The following HSD17B14 variants were observed in gnomAD, a reference collection of about 807,000 sequenced individuals.
The protein encoded by HSD17B14 is L-fucose dehydrogenase.
In HSD17B14, 32 loss-of-function variants were observed where a neutral mutation model predicts 32.2. The observed-to-expected ratio is 0.99, with a 90% CI of 0.75 to 1.33. The LOEUF (loss-of-function observed/expected upper bound fraction) is 1.33. Among genes scored for constraint, HSD17B14 ranks in the 40% most tolerant of loss-of-function variants. The probability of loss-of-function intolerance (pLI) is 0.00; values close to 1 mark genes in which losing one functional copy is unlikely to be tolerated. For missense variants in HSD17B14, 370 were observed against 366.5 expected (o/e 1.01, Z -0.08); for synonymous variants, 140 against 155.4 (o/e 0.90, Z 0.74).
At chr19:48,824,406 A>T (rs2035208832) in intron 5 of HSD17B14, among the ~76,000 whole-genome samples, 1 of 149,428 alleles carries the variant, frequency 6.7e-6, no homozygotes, top group Non-Finnish European at 1.5e-5. Context: ...ACTGCTCACC[A>T]GCTGGGAAGA....
chr19:48,817,113 C>T (rs532207006), intron 5 of HSD17B14, among the ~76,000 whole-genome samples: 248 of 149,268 alleles, frequency 1.7e-3, no homozygotes, highest in Middle Eastern at 3.5e-3. Flanking sequence ...TCCCAAAGTG[C>T]TGGGATTCCA....
intron 5 of HSD17B14, among the ~76,000 whole-genome samples, chr19:48,821,797 C>T (rs1039135503): frequency 3.5e-5 from 5 of 142,600 alleles, no homozygotes; most frequent in African/African-American, 1.3e-4. Context: ...TGCTGATGAT[C>T]GTAGTGATGA....
rs189256704 is a variant in HSD17B14, at chr19:48,818,606, C to G, written c.370-3465G>C. ...GGATCTTGCCACCCTCACCCCAGCACGAGGCACACAGCTGGAGCTCAGTAA... is the reference window on the plus strand; with the variant it reads ...GGATCTTGCCACCCTCACCCCAGCAGGAGGCACACAGCTGGAGCTCAGTAA... On this transcript the variant is annotated intron_variant, in intron 5 of 8. Transcript: ENST00000263278. Among the ~76,000 whole-genome samples, 404 of 152,224 alleles carry G rather than the reference C, an allele frequency of 2.7e-3. 1 individual carries two copies. Among genetic ancestry groups the G allele is most frequent in the African/African-American group, 9.2e-3 (381 of 41,538 alleles).
At chr19:48,819,480 C>G (rs1307873682) in intron 5 of HSD17B14, among the ~76,000 whole-genome samples, 1 of 152,188 alleles carries the variant, frequency 6.6e-6, no homozygotes. Flanking sequence ...TCAGCATGCC[C>G]TTCAAGGCCC....
chr19:48,832,823 G>T, intron 3 of HSD17B14, 91 bp from the exon 4 acceptor site: 1 of 1,073,944 alleles, frequency 9.3e-7, no homozygotes, highest in Non-Finnish European at 1.4e-6. Flanking sequence ...GCACGATCTT[G>T]GCTCACTGCA....
At chr19:48,816,648 C>CTATA (rs1047717704) in intron 5 of HSD17B14, among the ~76,000 whole-genome samples, 10 of 152,132 alleles carry the variant, frequency 6.6e-5, no homozygotes, top group African/African-American at 2.4e-4. Context: ...TCTTCCCTGG[C>CTATA]TATACTGTTT....
chr19:48,834,470 G>A (rs1482726113), intron 2 of HSD17B14, 112 bp from the exon 3 acceptor site: 1 of 550,944 alleles, frequency 1.8e-6, no homozygotes, highest in African/African-American at 2.2e-5. Context: ...GGACTCCTGG[G>A]TCTGAGGGAG....
At chr19:48,826,923 C>T (rs1458951966) in intron 5 of HSD17B14, among the ~76,000 whole-genome samples, 1 of 152,082 alleles carries the variant, frequency 6.6e-6, no homozygotes, top group African/African-American at 2.4e-5. Flanking sequence ...CCCACCAGGA[C>T]GTCCACCAGG....
chr19:48,833,900 G>C (rs532823729), intron 3 of HSD17B14, among the ~76,000 whole-genome samples: 3 of 151,964 alleles, frequency 2.0e-5, no homozygotes, highest in Non-Finnish European at 4.4e-5. Context: ...TGAGATAGGA[G>C]AATGGCTTGA....
rs554322765 is a variant in HSD17B14, at chr19:48,819,557, C to A, written c.370-4416G>T. 1.6e-4 allele frequency among the ~76,000 whole-genome samples: 25 copies of A among 152,294 alleles called. No homozygotes were observed. The South Asian group carries it at 3.5e-3, about 21-fold the overall frequency. ...CCGTTCTCTCACTGGGCCCAGCTGGCAGCAGCACCAAACCCTGTCTCGCTG... is the reference window on the plus strand; with the variant it reads ...CCGTTCTCTCACTGGGCCCAGCTGGAAGCAGCACCAAACCCTGTCTCGCTG... On this transcript the variant is annotated intron_variant, in intron 5 of 8. Transcript: ENST00000263278.
In HSD17B14 at chr19:48,813,666, T is replaced by G; in HGVS notation, c.539A>C (p.Asn180Thr). The G allele has an allele frequency of 1.2e-6, 2 of 1,614,170 alleles. No individual in the cohort carries two copies. The highest frequency in any genetic ancestry group is 1.7e-5 in the Admixed American group (1 of 60,020). The change falls in exon 7 of 9, where the codon AAC (asparagine) becomes ACC (threonine). Residue 180 changes from asparagine (N) to threonine (T), a missense_variant. Coordinates refer to ENST00000263278, the MANE Select transcript of HSD17B14 (RefSeq NM_016246.3). ...CCGCCTGCTCAGAGCAGCTCACCAG[T>G]TGACTCGGACACCATATGGACTTTC... is the stretch of plus-strand genomic sequence containing the variant. ...LDESPYGVRV[N>T]CISPGNIWTP...
At chr19:48,833,001 C>T (rs1219616012) in intron 3 of HSD17B14, among the ~76,000 whole-genome samples, 5 of 151,688 alleles carry the variant, frequency 3.3e-5, no homozygotes, top group African/African-American at 4.8e-5. Flanking sequence ...GTGATCCACC[C>T]GCCTCAGCCT....
intron 5 of HSD17B14, among the ~76,000 whole-genome samples, chr19:48,822,922 T>C (rs1198616175): frequency 6.6e-6 from 1 of 152,036 alleles, no homozygotes; most frequent in African/African-American, 2.4e-5. Flanking sequence ...GTGGTAACAA[T>C]GGTAATGATG....
rs1474814607 is a variant in HSD17B14, at chr19:48,813,272, G to A, written c.716C>T (p.Thr239Met). 13 of 1,606,310 alleles carry A rather than the reference G, an allele frequency of 8.1e-6. No individual in the cohort carries two copies. The highest frequency in any genetic ancestry group is 6.7e-5 in the East Asian group (3 of 44,604). ...VFLASEANFC[T>M]GIELLVTGGA... ...CCCCGTCACGAGCAGTTCAATGCCC[G>A]TGCAGAAGTTGGCTTCGGAGGCCAG... Residue 239 changes from threonine to methionine, a missense_variant, in exon 9 of 9, where the codon ACG becomes ATG. Physicochemically the swap from Thr to Met is moderately conservative, Grantham distance 81 (BLOSUM62 -1). Transcript: ENST00000263278.
chr19:48,823,303 G>A (rs1246473898), intron 5 of HSD17B14, among the ~76,000 whole-genome samples: 1 of 152,116 alleles, frequency 6.6e-6, no homozygotes, highest in South Asian at 2.1e-4. Flanking sequence ...CCAGCAACCT[G>A]AGAGGCTGAG....
At chr19:48,826,330 C>T (rs2035245234) in intron 5 of HSD17B14, among the ~76,000 whole-genome samples, 1 of 149,592 alleles carries the variant, frequency 6.7e-6, no homozygotes, top group Admixed American at 6.7e-5. Flanking sequence ...CCCAACTCTA[C>T]AAAAAATACA....
At chr19:48,819,360 A>G (rs1465791674) in intron 5 of HSD17B14, among the ~76,000 whole-genome samples, 1 of 152,092 alleles carries the variant, frequency 6.6e-6, no homozygotes, top group East Asian at 1.9e-4. Flanking sequence ...CCTCATACCT[A>G]CAGGAGCCAG....
At chr19:48,820,419 G>A (rs998810925) in intron 5 of HSD17B14, among the ~76,000 whole-genome samples, 5 of 151,804 alleles carry the variant, frequency 3.3e-5, no homozygotes, top group African/African-American at 9.6e-5. Context: ...GCAGTGAGCC[G>A]AGATTGCACC....
chr19:48,833,814 G>A lies in HSD17B14; in HGVS notation c.210+462C>T, dbSNP rs543657448. 9.4e-4 allele frequency among the ~76,000 whole-genome samples: 136 copies of A among 145,176 alleles called. 1 individual carries two copies. Among genetic ancestry groups the A allele is most frequent in the Non-Finnish European group, 1.5e-3 (102 of 66,440 alleles). Reference sequence around the variant, plus strand: ...GCACTCCAGCCTGGGCAACAGGAGCGAAACTCTGTCTTAAAAAAAAAAAAA... The same window carrying A: ...GCACTCCAGCCTGGGCAACAGGAGCAAAACTCTGTCTTAAAAAAAAAAAAA... On this transcript the variant is annotated intron_variant, in intron 3 of 8. Coordinates refer to ENST00000263278, the MANE Select transcript of HSD17B14 (RefSeq NM_016246.3).
Sources: allele counts gnomAD v4.1 joint callset (sites outside exome capture counted in the v4.1 genomes callset), GRCh38; gene constraint gnomAD v4.1.1; transcripts MANE v1.5; gene names NCBI Gene and HGNC (gene_info 2026-07-23, HGNC 2026-07-21).